CHRM2: variants seen among roughly 807,000 people sequenced by gnomAD.
The protein encoded by CHRM2 is muscarinic acetylcholine receptor M2.
Under a neutral mutation model 25.0 loss-of-function variants are expected in CHRM2, and 8 were observed. The observed-to-expected ratio is 0.32, with a 90% CI of 0.19 to 0.58. The LOEUF is 0.58. CHRM2 is among the 20% of genes least tolerant of loss of function. The pLI, the probability that CHRM2 is intolerant of heterozygous loss-of-function variation, is 0.88. For synonymous variants in CHRM2, 202 were observed against 205.7 expected (o/e 0.98, Z 0.15); for missense variants, 440 against 567.1 (o/e 0.78, Z 2.28).
intron 2 of CHRM2, among the ~76,000 whole-genome samples, chr7:136,891,283 C>T (rs1435957038): frequency 6.6e-6 from 1 of 152,134 alleles, no homozygotes; most frequent in African/African-American, 2.4e-5. Context: ...ATTTAGTCGC[C>T]ATGTCTCTTT....
intron 2 of CHRM2, among the ~76,000 whole-genome samples, chr7:136,904,057 C>T (rs1797390116): frequency 6.6e-6 from 1 of 151,822 alleles, no homozygotes; most frequent in Non-Finnish European, 1.5e-5. Context: ...TACCATTTTA[C>T]TAAAGCATTT....
intron 2 of CHRM2, among the ~76,000 whole-genome samples, chr7:136,987,315 A>G (rs1802922826): frequency 6.6e-6 from 1 of 152,170 alleles, no homozygotes; most frequent in Admixed American, 6.5e-5. Context: ...TGCTTCAGAC[A>G]TATCCCAGCT....
intron 2 of CHRM2, among the ~76,000 whole-genome samples, chr7:136,985,504 C>CAAAAAAA (rs974105875): frequency 0.022 from 1,305 of 59,290 alleles, 1 homozygote; most frequent in Non-Finnish European, 0.025. Context: ...AGTTAGACTC[C>CAAAAAAA]AAAAAAAAAA....
intron 2 of CHRM2, among the ~76,000 whole-genome samples, chr7:136,919,392 A>G (rs186214943): frequency 7.8e-4 from 118 of 152,250 alleles, no homozygotes; most frequent in South Asian, 4.6e-3. Flanking sequence ...TTAATTTGAT[A>G]ATTAAAATAA....
At chr7:136,968,871 A>G (rs1471844893) in intron 2 of CHRM2, among the ~76,000 whole-genome samples, 1 of 151,894 alleles carries the variant, frequency 6.6e-6, no homozygotes, top group Non-Finnish European at 1.5e-5. Context: ...ACACTGCACT[A>G]TCTTGTCCCA....
At chr7:136,970,629 C>T (rs1801699155) in intron 2 of CHRM2, among the ~76,000 whole-genome samples, 1 of 152,164 alleles carries the variant, frequency 6.6e-6, no homozygotes. Context: ...GAATCACCTT[C>T]AGTTCATTCA....
At chr7:136,946,372 G>A (rs1414540808) in intron 2 of CHRM2, among the ~76,000 whole-genome samples, 1 of 152,188 alleles carries the variant, frequency 6.6e-6, no homozygotes, top group Admixed American at 6.5e-5. Flanking sequence ...CTGCCGAGTA[G>A]TAGGAGATAC....
intron 2 of CHRM2, among the ~76,000 whole-genome samples, chr7:136,888,740 A>G (rs1197620711): frequency 6.6e-6 from 1 of 152,178 alleles, no homozygotes; most frequent in African/African-American, 2.4e-5. Flanking sequence ...CAAAAAGAAT[A>G]TTGGCGTGCT....
intron 2 of CHRM2, among the ~76,000 whole-genome samples, chr7:136,971,805 A>G (rs1414855173): frequency 2.1e-5 from 2 of 96,362 alleles, no homozygotes; most frequent in Admixed American, 1.9e-4. Context: ...CTGCATGAGA[A>G]CTAAAAGACA....
At chr7:136,931,532 T>G (rs968305881) in intron 2 of CHRM2, among the ~76,000 whole-genome samples, 1 of 152,186 alleles carries the variant, frequency 6.6e-6, no homozygotes, top group African/African-American at 2.4e-5. Flanking sequence ...TTGGTGACAG[T>G]TGACTGCAGA....
Position 136,985,515 on chromosome 7 carries a change from A to C in CHRM2, c.-124-6672A>C, listed in dbSNP as rs928350141. Among the ~76,000 whole-genome samples, 8 of 151,472 alleles carry C rather than the reference A, an allele frequency of 5.3e-5. 1 individual carries two copies. The South Asian group carries it at 8.3e-4, about 16-fold the overall frequency. The stretch of plus-strand genomic sequence containing the variant: ...ACAGAGTTAGACTCCAAAAAAAAAA[A>C]AAAAAAAAAAAAACAAAAACACCTC... On this transcript the variant is annotated intron_variant, in intron 2 of 3. Transcript: ENST00000680005.
intron 2 of CHRM2, among the ~76,000 whole-genome samples, chr7:136,980,217 G>C (rs576336486): frequency 6.6e-6 from 1 of 152,074 alleles, no homozygotes; most frequent in African/African-American, 2.4e-5. Flanking sequence ...GTTGTGAATG[G>C]GAGTTCACTC....
intron 2 of CHRM2, chr7:136,906,772 T>C (rs887301643): frequency 6.6e-6 from 1 of 151,796 alleles, no homozygotes; most frequent in Non-Finnish European, 1.5e-5. Flanking sequence ...CAGAGACCAG[T>C]TTCCCGGAAG....
rs766161816 is a variant in CHRM2, at chr7:137,016,410, C to T, written c.*144C>T. 4 of 869,798 alleles carry T rather than the reference C, an allele frequency of 4.6e-6. No individual in the cohort carries two copies. Among genetic ancestry groups the T allele is most frequent in the Non-Finnish European group, 3.7e-6 (2 of 547,198 alleles). 53.9% of individuals were successfully genotyped at this position (869,798 alleles called of 1,614,324 possible). On this transcript the variant is annotated 3_prime_UTR_variant, in exon 4 of 4. Coordinates refer to ENST00000680005, the MANE Select transcript of CHRM2 (RefSeq NM_001006630.2). ...GCAATTCAGGAGCCCAGCAGTGACACACTTATCACGCCTAGGCTCCAGTTT... is the reference window on the plus strand; with the variant it reads ...GCAATTCAGGAGCCCAGCAGTGACATACTTATCACGCCTAGGCTCCAGTTT...
chr7:136,908,688 T>C (rs1274142270), intron 2 of CHRM2, among the ~76,000 whole-genome samples: 1 of 151,948 alleles, frequency 6.6e-6, no homozygotes, highest in African/African-American at 2.4e-5. Flanking sequence ...AATGAGCAAG[T>C]CCATTCTGAT....
chr7:136,961,737 A>G (rs1801097120), intron 2 of CHRM2, among the ~76,000 whole-genome samples: 1 of 152,112 alleles, frequency 6.6e-6, no homozygotes, highest in African/African-American at 2.4e-5. Flanking sequence ...TTTATTAGAG[A>G]AAAGAGGTAG....
At chr7:137,009,727 A>T (rs914592853) in intron 3 of CHRM2, among the ~76,000 whole-genome samples, 2 of 152,046 alleles carry the variant, frequency 1.3e-5, no homozygotes, top group African/African-American at 4.8e-5. Flanking sequence ...TTAGTTCAAC[A>T]TTTATAAAAG....
chr7:136,906,465 GT>G (rs1797558504), intron 2 of CHRM2, among the ~76,000 whole-genome samples: 1 of 150,820 alleles, frequency 6.6e-6, no homozygotes, highest in Admixed American at 6.6e-5. Flanking sequence ...CACACATTTG[GT>G]TTTTTTAAAC....
At chr7:136,919,974 T>C (rs1403438812) in intron 2 of CHRM2, among the ~76,000 whole-genome samples, 1 of 152,130 alleles carries the variant, frequency 6.6e-6, no homozygotes, top group East Asian at 1.9e-4. Flanking sequence ...TGTTTCTCAA[T>C]AACTAGGATT....
Sources: gnomAD v4.1 joint callset for allele counts (sites outside exome capture counted in the v4.1 genomes callset) on GRCh38, gnomAD v4.1.1 for gene constraint, MANE v1.5 for transcripts, NCBI Gene and HGNC (gene_info 2026-07-23, HGNC 2026-07-21) for gene names.